Variants in LRMDA observed in about 807,000 individuals in gnomAD.
The protein encoded by LRMDA is leucine rich melanocyte differentiation associated.
LRMDA carries 18 observed loss-of-function variants against 29.8 expected under a neutral mutation model. That is an observed-to-expected ratio of 0.60 (90% confidence interval 0.42 to 0.90). The LOEUF is 0.90. LRMDA is among the 40% of genes least tolerant of loss of function. The pLI is 0.00. For missense variants in LRMDA, 273 were observed against 273.9 expected (o/e 1.00, Z 0.02); for synonymous variants, 125 against 109.4 (o/e 1.14, Z -0.89).
At chr10:75,551,395 T>C (rs906358143) in intron 2 of LRMDA, among the ~76,000 whole-genome samples, 3 of 152,104 alleles carry the variant, frequency 2.0e-5, no homozygotes, top group African/African-American at 7.2e-5. Flanking sequence ...ACGGGTTTGT[T>C]ACATAGGTAT....
intron 2 of LRMDA, among the ~76,000 whole-genome samples, chr10:75,442,152 T>C (rs1404309875): frequency 1.3e-5 from 2 of 152,256 alleles, no homozygotes; most frequent in Admixed American, 6.5e-5. Flanking sequence ...AATTGACAGC[T>C]AAAAGTTGTA....
At chr10:75,652,579 A>G (rs951142536) in intron 2 of LRMDA, among the ~76,000 whole-genome samples, 1 of 152,186 alleles carries the variant, frequency 6.6e-6, no homozygotes, top group Non-Finnish European at 1.5e-5. Context: ...AGCTGCCTGT[A>G]CTTTGTTTTA....
At chr10:75,515,075 C>G (rs1490340199) in intron 2 of LRMDA, among the ~76,000 whole-genome samples, 1 of 152,154 alleles carries the variant, frequency 6.6e-6, no homozygotes, top group Admixed American at 6.5e-5. Flanking sequence ...TTGATACATG[C>G]TACAGTGTGG....
At chr10:76,306,842 A>G (rs1296674066) in intron 5 of LRMDA, among the ~76,000 whole-genome samples, 1 of 152,234 alleles carries the variant, frequency 6.6e-6, no homozygotes, top group Non-Finnish European at 1.5e-5. Flanking sequence ...ATGTGTGGAC[A>G]AAATGTGTAT....
chr10:76,080,817 G>T (rs1849037071), intron 5 of LRMDA, among the ~76,000 whole-genome samples: 1 of 152,200 alleles, frequency 6.6e-6, no homozygotes, highest in African/African-American at 2.4e-5. Flanking sequence ...ACATAAGTCA[G>T]AGAGTAGAAT....
chr10:76,340,943 A>G (rs1841034516), intron 6 of LRMDA, among the ~76,000 whole-genome samples: 1 of 152,186 alleles, frequency 6.6e-6, no homozygotes, highest in Non-Finnish European at 1.5e-5. Flanking sequence ...TGCCCTAATA[A>G]CATAACAGAA....
intron 2 of LRMDA, among the ~76,000 whole-genome samples, chr10:75,639,854 C>G (rs542016658): frequency 6.6e-6 from 1 of 152,278 alleles, no homozygotes; most frequent in Non-Finnish European, 1.5e-5. Context: ...GCTCGGAGAG[C>G]GGACATTAAG....
chr10:75,453,751 T>A (rs1844485072), intron 2 of LRMDA, among the ~76,000 whole-genome samples: 2 of 152,224 alleles, frequency 1.3e-5, no homozygotes, highest in Non-Finnish European at 2.9e-5. Flanking sequence ...TTTGCTGACT[T>A]CTGAGGAGAT....
chr10:76,324,609 A>T (rs548448260), intron 6 of LRMDA, 124 bp downstream of exon 6: 2 of 795,908 alleles, frequency 2.5e-6, no homozygotes, highest in Non-Finnish European at 4.1e-6. Flanking sequence ...TAAGTCCTTG[A>T]TGAGAAAACC....
intron 2 of LRMDA, among the ~76,000 whole-genome samples, chr10:75,781,357 A>G (rs1843380724): frequency 6.6e-6 from 1 of 152,192 alleles, no homozygotes; most frequent in African/African-American, 2.4e-5. Context: ...AGCTGCAGAA[A>G]CAACCACTAG....
At chr10:76,463,151 C>G (rs1315976940) in intron 6 of LRMDA, among the ~76,000 whole-genome samples, 1 of 152,122 alleles carries the variant, frequency 6.6e-6, no homozygotes, top group Non-Finnish European at 1.5e-5. Context: ...CTTTGATCAG[C>G]ACTTCTCTGT....
chr10:75,585,896 G>C (rs1000153278), intron 2 of LRMDA, among the ~76,000 whole-genome samples: 15 of 152,280 alleles, frequency 9.9e-5, no homozygotes, highest in South Asian at 8.3e-4. Flanking sequence ...TTGACTGTTA[G>C]ATACTTCACA....
chr10:76,549,638 C>T (rs1161516812), intron 6 of LRMDA, among the ~76,000 whole-genome samples: 1 of 152,146 alleles, frequency 6.6e-6, no homozygotes, highest in African/African-American at 2.4e-5. Flanking sequence ...TCACCTTTGT[C>T]CTTCATACTC....
chr10:76,339,522 T>G (rs1226655896), intron 6 of LRMDA, among the ~76,000 whole-genome samples: 2 of 152,114 alleles, frequency 1.3e-5, no homozygotes, highest in African/African-American at 4.8e-5. Context: ...TGTTTTCATA[T>G]ATCCTAATTA....
intron 6 of LRMDA, among the ~76,000 whole-genome samples, chr10:76,536,489 AT>A (rs1208702700): frequency 1.3e-5 from 2 of 152,174 alleles, no homozygotes; most frequent in East Asian, 3.9e-4. Flanking sequence ...GGTGATTCTG[AT>A]GAAACTGAAG....
At chr10:75,857,517 A>G (rs1005883869) in intron 2 of LRMDA, among the ~76,000 whole-genome samples, 1 of 152,230 alleles carries the variant, frequency 6.6e-6, no homozygotes, top group Admixed American at 6.5e-5. Context: ...TTGCTCAAAC[A>G]AAGGATTGAT....
intron 2 of LRMDA, among the ~76,000 whole-genome samples, chr10:75,894,280 C>G (rs1483748388): frequency 6.6e-6 from 1 of 152,048 alleles, no homozygotes; most frequent in Non-Finnish European, 1.5e-5. Context: ...CATACGATGT[C>G]TGGTTTTCAG....
At chr10:75,558,352 T>C (rs1170145597) in intron 2 of LRMDA, among the ~76,000 whole-genome samples, 1 of 151,974 alleles carries the variant, frequency 6.6e-6, no homozygotes. Context: ...AAACTGTATG[T>C]GTTTCAATAA....
At chr10:75,524,604 C>T (rs1023373398) in intron 2 of LRMDA, among the ~76,000 whole-genome samples, 2 of 152,126 alleles carry the variant, frequency 1.3e-5, no homozygotes, top group South Asian at 4.2e-4. Flanking sequence ...TGGTATAGAT[C>T]ACCCTAATGG....
Sources: gnomAD v4.1 joint callset for allele counts (sites outside exome capture counted in the v4.1 genomes callset) on GRCh38, gnomAD v4.1.1 for gene constraint, MANE v1.5 for transcripts, NCBI Gene and HGNC (gene_info 2026-07-23, HGNC 2026-07-21) for gene names.